Variants in DMD observed in about 807,000 individuals in gnomAD.
DMD encodes mutant dystrophin.
In DMD, 63 loss-of-function variants were observed where a neutral mutation model predicts 330.1. That is an observed-to-expected ratio of 0.19 (90% CI 0.16 to 0.24). The LOEUF (loss-of-function observed/expected upper bound fraction) is 0.24, where lower values mean the gene tolerates loss of function less well. DMD is among the 10% of genes least tolerant of loss of function. The pLI is 1.00. For synonymous variants in DMD, 1,223 were observed against 959.8 expected (o/e 1.27, Z -5.07); for missense variants, 3,344 against 2,684.1 (o/e 1.25, Z -5.43).
At chrX:32,020,985 T>C (rs1193400659) in intron 44 of DMD, among the ~76,000 whole-genome samples, 1 of 112,267 alleles carries the variant, frequency 8.9e-6, no homozygotes, top group Non-Finnish European at 1.9e-5. Flanking sequence ...ATAGCAAATA[T>C]GTGTGCACTA....
chrX:32,117,141 C>T (rs138057497), intron 44 of DMD, among the ~76,000 whole-genome samples: 197 of 110,695 alleles, frequency 1.8e-3, no homozygotes, highest in Non-Finnish European at 1.7e-3. Context: ...GATCACAGCA[C>T]CAGTGCCAGA....
chrX:32,908,685 T>A (rs780245479), intron 2 of DMD, among the ~76,000 whole-genome samples: 31 of 112,001 alleles, frequency 2.8e-4, no homozygotes, highest in Non-Finnish European at 5.5e-4. Context: ...AATAAGATTA[T>A]AATTACAAAA....
chrX:31,852,259 T>C (rs763150591), intron 48 of DMD, among the ~76,000 whole-genome samples: 43 of 111,951 alleles, frequency 3.8e-4, no homozygotes, highest in Admixed American at 2.8e-4. Flanking sequence ...CAGATGGCAG[T>C]TAAGAACAGA....
chrX:32,917,436 G>A (rs1475940451), intron 2 of DMD, among the ~76,000 whole-genome samples: 1 of 111,615 alleles, frequency 9.0e-6, no homozygotes, highest in South Asian at 3.8e-4. Context: ...ATATATCTTA[G>A]ATATTTTGGA....
At chrX:33,250,110 T>TATATA (rs748598265) in intron 1 of DMD, among the ~76,000 whole-genome samples, 1 of 97,895 alleles carries the variant, frequency 1.0e-5, no homozygotes, top group African/African-American at 4.2e-5. Context: ...TATATATATA[T>TATATA]ATCAATGTAC....
At chrX:32,530,820 G>T (rs759757099) in intron 17 of DMD, among the ~76,000 whole-genome samples, 1 of 111,994 alleles carries the variant, frequency 8.9e-6, no homozygotes, top group Non-Finnish European at 1.9e-5. Context: ...CAGGTTAATA[G>T]AAATATTCTC....
At chrX:31,149,311 C>A (rs1294158887) in intron 74 of DMD, among the ~76,000 whole-genome samples, 1 of 112,174 alleles carries the variant, frequency 8.9e-6, no homozygotes, top group Non-Finnish European at 1.9e-5. Flanking sequence ...GTATTCTAGT[C>A]TGTGGTTCTA....
chrX:32,545,510 G>C lies in DMD; in HGVS notation c.1993-176C>G, dbSNP rs1008183245. ...AAATTGTTTTATCTGACTTAAGTTT[G>C]GTTCACTGAAATAGCAAGGGAAAGT... On this transcript the variant is annotated intron_variant, in intron 16 of 78. Coordinates refer to ENST00000357033, the MANE Select transcript of DMD (RefSeq NM_004006.3). 2.7e-5 allele frequency among the ~76,000 whole-genome samples: 3 copies of C among 111,932 alleles called. No individual in the cohort carries two copies. The Admixed American group carries it at 2.9e-4, about 11-fold the overall frequency.
At chrX:32,272,178 A>AATAGGT (rs1373828790) in intron 43 of DMD, among the ~76,000 whole-genome samples, 3 of 112,040 alleles carry the variant, frequency 2.7e-5, no homozygotes, top group African/African-American at 6.5e-5. Flanking sequence ...CTGTAAGATA[A>AATAGGT]ATAGGTAAAC....
chrX:32,261,093 C>G (rs1419360659), intron 43 of DMD, among the ~76,000 whole-genome samples: 1 of 111,652 alleles, frequency 9.0e-6, no homozygotes, highest in Non-Finnish European at 1.9e-5. Context: ...GTTGATCAGT[C>G]CAGTCTCTGC....
chrX:32,039,077 C>T (rs2095976860), intron 44 of DMD, among the ~76,000 whole-genome samples: 1 of 111,252 alleles, frequency 9.0e-6, no homozygotes, highest in Non-Finnish European at 1.9e-5. Context: ...AAAATGAGAA[C>T]CATGAAGCCT....
At chrX:32,361,443 G>C (rs1603631665) in intron 37 of DMD, among the ~76,000 whole-genome samples, 2 of 111,252 alleles carry the variant, frequency 1.8e-5, no homozygotes, top group South Asian at 7.5e-4. Flanking sequence ...AACTATATAA[G>C]GTCTCTATGT....
At chrX:31,281,720 A>T (rs1325687491) in intron 62 of DMD, among the ~76,000 whole-genome samples, 1 of 111,599 alleles carries the variant, frequency 9.0e-6, no homozygotes, top group Non-Finnish European at 1.9e-5. Flanking sequence ...GTAGAATGAG[A>T]TCCCATGGCA....
intron 9 of DMD, among the ~76,000 whole-genome samples, chrX:32,684,830 A>C (rs1242232506): frequency 9.0e-6 from 1 of 111,245 alleles, no homozygotes; most frequent in East Asian, 2.8e-4. Flanking sequence ...TTGATTTATC[A>C]GCATTATTTA....
chrX:32,732,907 T>A (rs1230784366), intron 7 of DMD, among the ~76,000 whole-genome samples: 3 of 110,815 alleles, frequency 2.7e-5, no homozygotes, highest in Non-Finnish European at 5.7e-5. Flanking sequence ...AATTCACACA[T>A]AACAATATTA....
rs748688898 is a variant in DMD, at chrX:32,407,157, G to A, written c.4233+4595C>T. 7.9e-3 allele frequency among the ~76,000 whole-genome samples: 875 copies of A among 111,422 alleles called. 13 individuals carry two copies. Among genetic ancestry groups the A allele is most frequent in the African/African-American group, 0.028 (851 of 30,655 alleles). On this transcript the variant is annotated intron_variant, in intron 30 of 78. Transcript: ENST00000357033. The stretch of plus-strand genomic sequence containing the variant: ...AATTAAACTAAAGAGCTTCTGCACA[G>A]CAAAAGAAACTACCATCAGAGTGAA...
At chrX:32,667,344 CAATA>C (rs2061367820) in intron 9 of DMD, among the ~76,000 whole-genome samples, 1 of 111,652 alleles carries the variant, frequency 9.0e-6, no homozygotes, top group East Asian at 2.8e-4. Context: ...ATTATACAAG[CAATA>C]AATAAATAAA....
chrX:32,602,904 G>A (rs139951936), intron 12 of DMD, among the ~76,000 whole-genome samples: 1,124 of 111,297 alleles, frequency 0.01, 5 homozygotes, highest in South Asian at 0.018. Flanking sequence ...AAGGCAGACA[G>A]GTCAAAGTTA....
chrX:31,877,666 C>CG (rs1171236108), intron 47 of DMD, among the ~76,000 whole-genome samples: 27 of 37,594 alleles, frequency 7.2e-4, no homozygotes, highest in South Asian at 4.5e-3. Flanking sequence ...GTGCTGAACT[C>CG]TTGTGTGTGT....
Sources: allele counts gnomAD v4.1 joint callset (sites outside exome capture counted in the v4.1 genomes callset), GRCh38; gene constraint gnomAD v4.1.1; transcripts MANE v1.5; gene names NCBI Gene and HGNC (gene_info 2026-07-23, HGNC 2026-07-21).